NUMB: variants seen among roughly 807,000 people sequenced by gnomAD.
The protein encoded by NUMB is NUMB endocytic adaptor protein.
NUMB carries 29 observed loss-of-function variants against 59.7 expected under a neutral mutation model. The ratio of observed to expected loss-of-function variants is 0.49; its 90% confidence interval spans 0.36 to 0.66. The LOEUF (loss-of-function observed/expected upper bound fraction) is 0.66, where lower values mean the gene tolerates loss of function less well. NUMB is among the 30% of genes least tolerant of loss of function. NUMB has a pLI of 0.00. For missense variants in NUMB, 723 were observed against 822.0 expected, an observed-to-expected ratio of 0.88 and a Z score of 1.47; for synonymous variants, 288 against 288.2, an observed-to-expected ratio of 1.00 and a Z score of 0.01.
At chr14:73,429,198 C>A (rs2140165241) in intron 1 of NUMB, among the ~76,000 whole-genome samples, 1 of 151,668 alleles carries the variant, frequency 6.6e-6, no homozygotes, top group East Asian at 1.9e-4. Context: ...GGTGAAACCC[C>A]ATCTCTACTC....
At chr14:73,399,947 G>A (rs1202274775) in intron 2 of NUMB, among the ~76,000 whole-genome samples, 1 of 151,966 alleles carries the variant, frequency 6.6e-6, no homozygotes, top group Non-Finnish European at 1.5e-5. Context: ...GCTGAGGCAG[G>A]AGAATCGTTT....
chr14:73,385,075 G>A (rs753262761), intron 2 of NUMB, among the ~76,000 whole-genome samples: 2 of 151,734 alleles, frequency 1.3e-5, no homozygotes, highest in Non-Finnish European at 2.9e-5. Context: ...TTTCTGAAAC[G>A]AAAATGTTCA....
chr14:73,371,113 T>C (rs910926314), intron 2 of NUMB, among the ~76,000 whole-genome samples: 19 of 151,882 alleles, frequency 1.3e-4, no homozygotes, highest in Non-Finnish European at 2.6e-4. Flanking sequence ...TTCTGAACCA[T>C]ATGAGAGTAA....
intron 1 of NUMB, among the ~76,000 whole-genome samples, chr14:73,441,340 G>T (rs1883049215): frequency 6.6e-6 from 1 of 152,036 alleles, no homozygotes; most frequent in Admixed American, 6.6e-5. Context: ...ATGAGATCAG[G>T]AATTCGAGTC....
At chr14:73,368,628 G>C (rs1276004288) in intron 2 of NUMB, among the ~76,000 whole-genome samples, 3 of 151,996 alleles carry the variant, frequency 2.0e-5, no homozygotes, top group African/African-American at 7.3e-5. Flanking sequence ...CAGCAATTGG[G>C]ATAAACTATT....
At chr14:73,452,959 A>G (rs1293328648) in intron 1 of NUMB, among the ~76,000 whole-genome samples, 1 of 152,172 alleles carries the variant, frequency 6.6e-6, no homozygotes, top group African/African-American at 2.4e-5. Flanking sequence ...CCTCCTTTAC[A>G]TATGTCACTC....
At chr14:73,288,919 G>A (rs1304323677) in intron 8 of NUMB, among the ~76,000 whole-genome samples, 1 of 151,992 alleles carries the variant, frequency 6.6e-6, no homozygotes, top group African/African-American at 2.4e-5. Context: ...TGGTGGTGGT[G>A]TGTGTCTGTG....
chr14:73,387,777 A>G (rs562783292), intron 2 of NUMB, among the ~76,000 whole-genome samples: 1 of 151,892 alleles, frequency 6.6e-6, no homozygotes, highest in Non-Finnish European at 1.5e-5. Context: ...AAAACCAAAA[A>G]GGCCACTAGT....
intron 2 of NUMB, among the ~76,000 whole-genome samples, chr14:73,379,964 C>T (rs765262095): frequency 1.3e-5 from 2 of 152,114 alleles, no homozygotes; most frequent in Admixed American, 1.3e-4. Flanking sequence ...TTAAGAATCA[C>T]CTTGGTTATT....
chr14:73,409,332 G>A (rs1008225195), intron 2 of NUMB: 14 of 152,108 alleles, frequency 9.2e-5, no homozygotes, highest in African/African-American at 3.4e-4. Context: ...TCTCTCTCTC[G>A]GAACCCAGGC....
chr14:73,453,535 T>G (rs1322439032), intron 1 of NUMB, among the ~76,000 whole-genome samples: 1 of 152,132 alleles, frequency 6.6e-6, no homozygotes, highest in Non-Finnish European at 1.5e-5. Flanking sequence ...TGAACATACA[T>G]CCTAAAGCCC....
At chr14:73,295,868 G>T (rs1271451691) in intron 7 of NUMB, among the ~76,000 whole-genome samples, 1 of 152,084 alleles carries the variant, frequency 6.6e-6, no homozygotes, top group Non-Finnish European at 1.5e-5. Context: ...TCTCTCAAAT[G>T]CAAAATGGTA....
At chr14:73,408,591 T>C (rs1437638703) in intron 2 of NUMB, among the ~76,000 whole-genome samples, 1 of 152,022 alleles carries the variant, frequency 6.6e-6, no homozygotes, top group African/African-American at 2.4e-5. Context: ...CAAAAGAAAA[T>C]TCCAGGCTGG....
chr14:73,335,012 G>A (rs1338224527), intron 4 of NUMB, among the ~76,000 whole-genome samples: 1 of 150,610 alleles, frequency 6.6e-6, no homozygotes, highest in African/African-American at 2.4e-5. Context: ...AATTTCTTTG[G>A]GTTCTGTGGT....
intron 2 of NUMB, among the ~76,000 whole-genome samples, chr14:73,378,025 A>C (rs1895053627): frequency 6.6e-6 from 1 of 151,468 alleles, no homozygotes; most frequent in African/African-American, 2.4e-5. Flanking sequence ...ACACATACAC[A>C]CACACACACA....
chr14:73,390,638 C>CTTTTTTTTTTTTTTTTTTTTTTTTTTTT (rs55831976), intron 2 of NUMB, among the ~76,000 whole-genome samples: 1 of 39,410 alleles, frequency 2.5e-5, no homozygotes, highest in Non-Finnish European at 4.7e-5. Flanking sequence ...AAAACAAAGT[C>CTTTTTTTTTTTTTTTTTTTTTTTTTTTT]TTTTTTTTTT....
chr14:73,303,436 C>T (rs951477379), intron 6 of NUMB, among the ~76,000 whole-genome samples: 4 of 152,040 alleles, frequency 2.6e-5, no homozygotes, highest in Admixed American at 1.3e-4. Flanking sequence ...AAAAATCAGC[C>T]GGGCGTGGTG....
chr14:73,405,964 G>A (rs1896644816), intron 2 of NUMB, among the ~76,000 whole-genome samples: 1 of 152,070 alleles, frequency 6.6e-6, no homozygotes, highest in Non-Finnish European at 1.5e-5. Context: ...ACCAATGGGT[G>A]GAACACTTGT....
intron 7 of NUMB, among the ~76,000 whole-genome samples, chr14:73,293,553 G>A (rs913912033): frequency 1.8e-4 from 27 of 151,828 alleles, no homozygotes; most frequent in Non-Finnish European, 3.4e-4. Context: ...CACCACGCCC[G>A]GCTAATTTTT....
Sources: gnomAD v4.1 joint callset for allele counts (sites outside exome capture counted in the v4.1 genomes callset) on GRCh38, gnomAD v4.1.1 for gene constraint, MANE v1.5 for transcripts, NCBI Gene and HGNC (gene_info 2026-07-23, HGNC 2026-07-21) for gene names.